ARHGAP20: variants seen among roughly 807,000 people sequenced by gnomAD.
ARHGAP20 encodes Rho GTPase activating protein 20, also known as rho GTPase-activating protein 20.
In ARHGAP20, 34 loss-of-function variants were observed where a neutral mutation model predicts 73.7. That is an observed-to-expected ratio of 0.46 (90% CI 0.35 to 0.61). The LOEUF (loss-of-function observed/expected upper bound fraction) is 0.61, where lower values mean the gene tolerates loss of function less well. ARHGAP20 is among the 20% of genes least tolerant of loss of function. The pLI, the probability that ARHGAP20 is intolerant of heterozygous loss-of-function variation, is 0.00. For synonymous variants in ARHGAP20, 523 were observed against 518.2 expected, an observed-to-expected ratio of 1.01 and a Z score of -0.13; for missense variants, 1,314 against 1,420.9, an observed-to-expected ratio of 0.92 and a Z score of 1.21.
intron 9 of ARHGAP20, among the ~76,000 whole-genome samples, chr11:110,602,953 T>C (rs1948143864): frequency 6.6e-6 from 1 of 152,228 alleles, no homozygotes. Flanking sequence ...CTGTGTTATA[T>C]TTCATGGTAG....
In ARHGAP20 at chr11:110,690,562, T is replaced by C; in HGVS notation, c.173A>G (p.Lys58Arg). 3 of 1,614,004 alleles carry C rather than the reference T, an allele frequency of 1.9e-6. No homozygotes were observed. Among genetic ancestry groups the C allele is most frequent in the Non-Finnish European group, 2.5e-6 (3 of 1,179,912 alleles). ...PSLILDKALQ[K>R]RPTTRDSPSA... Reference sequence around the variant, plus strand: ...TTGCACTTACCTGGTAGTAGGCCGTTTTTGTAGGGCTTTATCCAGGATAAG... The same window carrying C: ...TTGCACTTACCTGGTAGTAGGCCGTCTTTGTAGGGCTTTATCCAGGATAAG... The change falls in exon 2 of 15, where the codon AAA becomes AGA. Residue 58 changes from lysine (K) to arginine (R), a missense_variant. By Grantham distance (26) the Lys-to-Arg change is conservative (BLOSUM62 2). Transcript: ENST00000683387.
intron 12 of ARHGAP20, among the ~76,000 whole-genome samples, chr11:110,584,908 T>TATATATATATGA (rs1555082352): frequency 1.3e-5 from 2 of 148,804 alleles, no homozygotes; most frequent in African/African-American, 5.0e-5. Flanking sequence ...TATATGTGAA[T>TATATATATATGA]ATATATATGA....
chr11:110,593,423 CTA>C (rs1947876787), intron 9 of ARHGAP20, among the ~76,000 whole-genome samples: 1 of 152,144 alleles, frequency 6.6e-6, no homozygotes, highest in African/African-American at 2.4e-5. Context: ...CAAGTAACAA[CTA>C]TAAACTCTGG....
intron 12 of ARHGAP20, among the ~76,000 whole-genome samples, chr11:110,584,584 C>A (rs1947570650): frequency 6.6e-6 from 1 of 151,932 alleles, no homozygotes; most frequent in Non-Finnish European, 1.5e-5. Context: ...CAAAAGATTA[C>A]TGGGTGTATT....
chr11:110,697,279 T>G (rs1333557621), intron 1 of ARHGAP20, among the ~76,000 whole-genome samples: 3 of 151,854 alleles, frequency 2.0e-5, no homozygotes, highest in African/African-American at 7.2e-5. Flanking sequence ...ATAGCCATTC[T>G]GATGGGTGTA....
In ARHGAP20 at chr11:110,624,173, C is replaced by G; in HGVS notation, c.492G>C (p.Val164=). Residue 164 remains valine (V), a synonymous_variant, in exon 4 of 15, where the codon GTG becomes GTC. Coordinates refer to ENST00000683387, the MANE Select transcript of ARHGAP20 (RefSeq NM_001384657.1). ...GCTGTGGTTCTTACCTGAAAGTGGC[C>G]ACAAAGTTCACTGTGGGCCAGCCCA... is the stretch of plus-strand genomic sequence containing the variant. The part of the protein sequence containing the change: ...FVLGWPTVNF[V]ATFSSPEQKD... 2 of 1,610,122 alleles carry G rather than the reference C, an allele frequency of 1.2e-6. No homozygotes were observed. Among genetic ancestry groups the G allele is most frequent in the South Asian group, 2.2e-5 (2 of 89,684 alleles).
intron 4 of ARHGAP20, among the ~76,000 whole-genome samples, chr11:110,619,281 G>A (rs1348532194): frequency 8.5e-6 from 1 of 118,340 alleles, no homozygotes; most frequent in African/African-American, 3.3e-5. Context: ...TGTATGCAGT[G>A]ATAGAGTATA....
chr11:110,581,401 A>G (rs1947464219), intron 14 of ARHGAP20, among the ~76,000 whole-genome samples, 176 bp from the exon 15 acceptor site: 1 of 152,350 alleles, frequency 6.6e-6, no homozygotes, highest in African/African-American at 2.4e-5. Flanking sequence ...GCTGGGGTAT[A>G]GGAGATTTAT....
intron 12 of ARHGAP20, among the ~76,000 whole-genome samples, chr11:110,585,048 A>AAT (rs374149000): frequency 0.029 from 3,863 of 134,240 alleles, 60 homozygotes; most frequent in Non-Finnish European, 0.037. Flanking sequence ...AATATATATG[A>AAT]ATATATGAAT....
chr11:110,667,709 T>G (rs1949752375), intron 2 of ARHGAP20, among the ~76,000 whole-genome samples: 1 of 152,180 alleles, frequency 6.6e-6, no homozygotes, highest in African/African-American at 2.4e-5. Flanking sequence ...TAGATAGCAT[T>G]AAGAACATTT....
At chr11:110,588,853 C>T (rs12574002) in intron 11 of ARHGAP20, among the ~76,000 whole-genome samples, 6 of 152,002 alleles carry the variant, frequency 3.9e-5, no homozygotes, top group East Asian at 3.9e-4. Context: ...GGGCGGATCA[C>T]GAGGTCAGGA....
chr11:110,578,780 G>GT lies in ARHGAP20; in HGVS notation c.*589dup. The stretch of plus-strand genomic sequence containing the variant: ...CACTCTGTTTTTCTCCACTCTAGCT[G>GT]TAGCAATGGGCTGGTTCTTGGAATG... On this transcript the variant is annotated 3_prime_UTR_variant, in exon 15 of 15. Coordinates refer to ENST00000683387, the MANE Select transcript of ARHGAP20 (RefSeq NM_001384657.1). The GT allele has an allele frequency of 2.0e-6, 2 of 985,594 alleles. No homozygotes were observed. Among genetic ancestry groups the GT allele is most frequent in the Non-Finnish European group, 2.4e-6 (2 of 829,916 alleles). 61.1% of individuals were successfully genotyped at this position (985,594 alleles called of 1,614,324 possible). A position where few individuals can be genotyped will look rare whatever the true frequency, so the allele number is the denominator to read the frequency against.
Position 110,580,986 on chromosome 11 carries a change from G to GC in ARHGAP20, c.1959dup (p.Pro654AlafsTer3). 1.9e-6 allele frequency: 3 copies of GC among 1,614,174 alleles called. No individual in the cohort carries two copies. Among genetic ancestry groups the GC allele is most frequent in the Non-Finnish European group, 2.5e-6 (3 of 1,180,034 alleles). ...ATGTTCACCGGCTTGGATTCAAGAGGCCGTTTCATTTGAACATCTTCATCT... is the reference window on the plus strand; with the variant it reads ...ATGTTCACCGGCTTGGATTCAAGAGGCCCGTTTCATTTGAACATCTTCATCT... On this transcript the variant is annotated frameshift_variant, in exon 15 of 15. Coordinates refer to ENST00000683387, the MANE Select transcript of ARHGAP20 (RefSeq NM_001384657.1). LOFTEE classifies it low-confidence loss of function (END_TRUNC).
At chr11:110,668,812 A>G (rs1243829362) in intron 2 of ARHGAP20, among the ~76,000 whole-genome samples, 1 of 152,224 alleles carries the variant, frequency 6.6e-6, no homozygotes, top group Non-Finnish European at 1.5e-5. Context: ...CTGTAATTGA[A>G]CTTGCAATAT....
intron 2 of ARHGAP20, among the ~76,000 whole-genome samples, chr11:110,684,302 G>C (rs561438175): frequency 1.9e-4 from 29 of 152,032 alleles, no homozygotes; most frequent in Non-Finnish European, 3.5e-4. Flanking sequence ...TATTAAATTA[G>C]TGAACCTTTA....
chr11:110,641,879 C>T (rs776718165), intron 2 of ARHGAP20, among the ~76,000 whole-genome samples: 13 of 151,974 alleles, frequency 8.6e-5, no homozygotes, highest in African/African-American at 2.4e-4. Flanking sequence ...AAGTAAAATT[C>T]GTTTGGCTAC....
Position 110,656,800 on chromosome 11 carries a change from T to C in ARHGAP20, c.189-26008A>G, listed in dbSNP as rs141567034. Reference sequence around the variant, plus strand: ...TTGGGAGAAAATCAGTGGAGGCCCATGGAAAAGAACCCGCACGTGAATGTC... The same window carrying C: ...TTGGGAGAAAATCAGTGGAGGCCCACGGAAAAGAACCCGCACGTGAATGTC... On this transcript the variant is annotated intron_variant, in intron 2 of 14. Coordinates refer to ENST00000683387, the MANE Select transcript of ARHGAP20 (RefSeq NM_001384657.1). Among the ~76,000 whole-genome samples, 389 of 152,286 alleles carry C rather than the reference T, an allele frequency of 2.6e-3. 3 individuals carry two copies. Among genetic ancestry groups the C allele is most frequent in the African/African-American group, 9.0e-3 (375 of 41,550 alleles).
intron 2 of ARHGAP20, among the ~76,000 whole-genome samples, chr11:110,633,189 A>G (rs1385237705): frequency 6.6e-6 from 1 of 152,148 alleles, no homozygotes; most frequent in African/African-American, 2.4e-5. Flanking sequence ...TTTTTTCTAT[A>G]TGAATACTTC....
chr11:110,656,658 A>C (rs1474912823), intron 2 of ARHGAP20, among the ~76,000 whole-genome samples: 1 of 152,178 alleles, frequency 6.6e-6, no homozygotes, highest in Non-Finnish European at 1.5e-5. Context: ...AGTATTAAAA[A>C]AGTTCTGAGA....
Sources: gnomAD v4.1 joint callset for allele counts (sites outside exome capture counted in the v4.1 genomes callset) on GRCh38, gnomAD v4.1.1 for gene constraint, MANE v1.5 for transcripts, NCBI Gene and HGNC (gene_info 2026-07-23, HGNC 2026-07-21) for gene names.